The following ADAMTS6 variants were observed in gnomAD, a reference collection of about 807,000 sequenced individuals.
ADAMTS6 encodes A disintegrin and metalloproteinase with thrombospondin motifs 6.
A neutral mutation model predicts 144.3 loss-of-function variants in ADAMTS6; 23 were observed. That is an observed-to-expected ratio of 0.16 (90% CI 0.11 to 0.23). The LOEUF (loss-of-function observed/expected upper bound fraction) is 0.23, where lower values mean the gene tolerates loss of function less well. Among genes scored for constraint, ADAMTS6 ranks in the 10% least tolerant of loss-of-function variants. The pLI is 1.00. For missense variants in ADAMTS6, 999 were observed against 1,379.6 expected, an observed-to-expected ratio of 0.72 and a Z score of 4.37; for synonymous variants, 444 against 457.5, an observed-to-expected ratio of 0.97 and a Z score of 0.38.
chr5:65,187,060 A>G (rs1438475524), intron 22 of ADAMTS6, among the ~76,000 whole-genome samples: 1 of 152,226 alleles, frequency 6.6e-6, no homozygotes, highest in Non-Finnish European at 1.5e-5. Flanking sequence ...ACCCAAAGCA[A>G]GTACCACAAT....
At chr5:65,452,646 G>T (rs1758844772) in intron 5 of ADAMTS6, 61 bp downstream of exon 5, 2 of 1,555,762 alleles carry the variant, frequency 1.3e-6, no homozygotes, top group South Asian at 2.4e-5. Context: ...AAAAATTTAT[G>T]ACCTTAGTCA....
chr5:65,453,057 G>T, intron 4 of ADAMTS6, 139 bp from the exon 5 acceptor site: 1 of 607,868 alleles, frequency 1.6e-6, no homozygotes, highest in Non-Finnish European at 2.6e-6. Flanking sequence ...AAATGCAGTA[G>T]TGAGAAAAAA....
intron 1 of ADAMTS6, among the ~76,000 whole-genome samples, chr5:65,476,746 T>C (rs996119264): frequency 3.3e-5 from 5 of 152,096 alleles, no homozygotes; most frequent in Non-Finnish European, 5.9e-5. Context: ...GTAGCTGGGA[T>C]TACAGATGCG....
At chr5:65,455,281 G>A (rs1026881770) in intron 4 of ADAMTS6, among the ~76,000 whole-genome samples, 9 of 152,186 alleles carry the variant, frequency 5.9e-5, no homozygotes, top group Admixed American at 1.3e-4. Context: ...GATGGCTCAC[G>A]CCCGTAATCC....
At chr5:65,283,855 TGG>T (rs1341260234) in intron 11 of ADAMTS6, among the ~76,000 whole-genome samples, 1 of 152,134 alleles carries the variant, frequency 6.6e-6, no homozygotes, top group Non-Finnish European at 1.5e-5. Context: ...TTTATGCTCT[TGG>T]TAGGGAAGCA....
chr5:65,383,460 T>A (rs1752212816), intron 7 of ADAMTS6, among the ~76,000 whole-genome samples: 1 of 152,034 alleles, frequency 6.6e-6, no homozygotes, highest in South Asian at 2.1e-4. Flanking sequence ...TGGTTCTAAG[T>A]TCAAAACCCA....
intron 7 of ADAMTS6, among the ~76,000 whole-genome samples, chr5:65,448,943 T>C (rs1337683156): frequency 6.6e-6 from 1 of 152,152 alleles, no homozygotes; most frequent in African/African-American, 2.4e-5. Flanking sequence ...TTACAAAAAT[T>C]AGCAGTATGA....
At chr5:65,366,004 T>C (rs897122783) in intron 7 of ADAMTS6, among the ~76,000 whole-genome samples, 6 of 149,334 alleles carry the variant, frequency 4.0e-5, no homozygotes, top group African/African-American at 1.5e-4. Context: ...AATCATTAAA[T>C]AAAACAAAAA....
intron 20 of ADAMTS6, among the ~76,000 whole-genome samples, chr5:65,213,248 A>T (rs1756658679): frequency 1.0e-5 from 1 of 99,004 alleles, no homozygotes; most frequent in Admixed American, 1.0e-4. Flanking sequence ...GTACATTAAT[A>T]TATTATTATT....
In ADAMTS6 at chr5:65,423,578, CA is replaced by C. The variant is rs567347568; in HGVS notation, c.1073+27896del. Among the ~76,000 whole-genome samples, 10 of 151,738 alleles carry C rather than the reference CA, an allele frequency of 6.6e-5. No individual in the cohort carries two copies. The South Asian group carries it at 1.9e-3, about 28-fold the overall frequency. ...ATCTTCAATACCATCAGCTGATAAT[CA>C]ATAGCAATTAACAGCAAAAGCCTGT... On this transcript the variant is annotated intron_variant, in intron 7 of 24. Transcript: ENST00000381055.
intron 20 of ADAMTS6, among the ~76,000 whole-genome samples, chr5:65,202,133 T>A (rs1452250601): frequency 6.6e-6 from 1 of 152,212 alleles, no homozygotes; most frequent in Non-Finnish European, 1.5e-5. Context: ...GGTTCCTTCT[T>A]CTGAAGAGCC....
intron 7 of ADAMTS6, among the ~76,000 whole-genome samples, chr5:65,354,744 T>G (rs569326517): frequency 7.0e-6 from 1 of 143,774 alleles, no homozygotes; most frequent in Admixed American, 7.0e-5. Context: ...TATTCTAATT[T>G]CTGTAGATTC....
intron 14 of ADAMTS6, among the ~76,000 whole-genome samples, chr5:65,245,518 T>G (rs1759550398): frequency 6.6e-6 from 1 of 152,166 alleles, no homozygotes; most frequent in African/African-American, 2.4e-5. Context: ...ACTCTCATCA[T>G]CCATGTAATC....
intron 4 of ADAMTS6, among the ~76,000 whole-genome samples, chr5:65,454,650 G>T (rs1317816724): frequency 6.6e-6 from 1 of 152,164 alleles, no homozygotes; most frequent in Non-Finnish European, 1.5e-5. Context: ...ATTAGTACAT[G>T]ATTATGTTAC....
At chr5:65,249,385 C>G (rs913343509) in intron 14 of ADAMTS6, among the ~76,000 whole-genome samples, 1 of 152,180 alleles carries the variant, frequency 6.6e-6, no homozygotes, top group African/African-American at 2.4e-5. Context: ...GAATGCTCAC[C>G]TCCCAAGGGC....
At chr5:65,373,182 A>G (rs1427148689) in intron 7 of ADAMTS6, among the ~76,000 whole-genome samples, 1 of 150,074 alleles carries the variant, frequency 6.7e-6, no homozygotes, top group African/African-American at 2.4e-5. Flanking sequence ...ACACCCTAAC[A>G]TCACAATTAA....
At position 65,432,468 on chromosome 5, in the gene ADAMTS6, G is replaced by A. The variant is rs1335809731; in HGVS notation, c.1073+19007C>T. Among the ~76,000 whole-genome samples the A allele has an allele frequency of 2.0e-5, 3 of 151,940 alleles. No homozygotes were observed. The South Asian group carries it at 6.2e-4, about 31-fold the overall frequency. ...GCCTTTCTGAACTAGAAAGAAAAGAGCCATTGAATTTTTTCCACCCATTTT... is the reference window on the plus strand; with the variant it reads ...GCCTTTCTGAACTAGAAAGAAAAGAACCATTGAATTTTTTCCACCCATTTT... On this transcript the variant is annotated intron_variant, in intron 7 of 24. Coordinates refer to ENST00000381055, the MANE Select transcript of ADAMTS6 (RefSeq NM_197941.4).
chr5:65,262,987 G>C, intron 12 of ADAMTS6, 25 bp from the exon 13 acceptor site: 1 of 1,613,462 alleles, frequency 6.2e-7, no homozygotes, highest in Non-Finnish European at 8.5e-7. Context: ...AGAAAACACA[G>C]AATTAGCTTT....
chr5:65,479,363 T>C (rs17827933), intron 1 of ADAMTS6, among the ~76,000 whole-genome samples: 5,445 of 152,252 alleles, frequency 0.036, 166 homozygotes, highest in Admixed American at 0.056. Context: ...ACCCAAAACA[T>C]ATCTATCAAG....
Sources: gnomAD v4.1 joint callset for allele counts (sites outside exome capture counted in the v4.1 genomes callset) on GRCh38, gnomAD v4.1.1 for gene constraint, MANE v1.5 for transcripts, NCBI Gene and HGNC (gene_info 2026-07-23, HGNC 2026-07-21) for gene names.